The following GTF2IRD1 variants were observed in gnomAD, a reference collection of about 807,000 sequenced individuals.
The protein encoded by GTF2IRD1 is GTF2I repeat domain containing 1, also known as general transcription factor II-I repeat domain-containing protein 1.
A neutral mutation model predicts 113.2 loss-of-function variants in GTF2IRD1; 26 were observed. That is an observed-to-expected ratio of 0.23 (90% CI 0.17 to 0.32). The LOEUF is 0.32. Ranked by LOEUF, GTF2IRD1 falls within the 10% of genes least tolerant of loss-of-function variation. The pLI, the probability that GTF2IRD1 is intolerant of heterozygous loss-of-function variation, is 1.00. For missense variants in GTF2IRD1, 864 were observed against 1,280.8 expected, an observed-to-expected ratio of 0.67 and a Z score of 4.97; for synonymous variants, 484 against 529.1, an observed-to-expected ratio of 0.91 and a Z score of 1.17.
At chr7:74,454,744 GC>G (rs1187290643) in intron 1 of GTF2IRD1, among the ~76,000 whole-genome samples, 1 of 152,132 alleles carries the variant, frequency 6.6e-6, no homozygotes, top group Non-Finnish European at 1.5e-5. Context: ...TGTGGTGGTG[GC>G]CGCTGAATCC....
chr7:74,480,233 G>A (rs1264044839), intron 1 of GTF2IRD1, among the ~76,000 whole-genome samples: 1 of 151,944 alleles, frequency 6.6e-6, no homozygotes, highest in Non-Finnish European at 1.5e-5. Flanking sequence ...ACCTGCTGTT[G>A]GGCCCTGTGC....
In GTF2IRD1 at chr7:74,482,071, C is replaced by A. The variant is rs12666369; in HGVS notation, c.-6-26004C>A. Among the ~76,000 whole-genome samples, 4,360 of 152,164 alleles carry A rather than the reference C, an allele frequency of 0.029. 278 individuals carry two copies. In the East Asian group the frequency reaches 0.3, roughly 10 times the overall value. ...CTAGTGACAGCATGGGGTGAGGGGG[C>A]CAGAGGAGGCTGGAGGTGGAGCCCT... On this transcript the variant is annotated intron_variant, in intron 1 of 26. Transcript: ENST00000424337.
At position 74,518,133 on chromosome 7, in the gene GTF2IRD1, C is replaced by G; in HGVS notation, c.422-6C>G. Reference sequence around the variant, plus strand: ...CCAGGCCCCTCTCCTGGACTCTCCCCTACAGGCGAGGCCCTGGGAAGGGCC... The same window carrying G: ...CCAGGCCCCTCTCCTGGACTCTCCCGTACAGGCGAGGCCCTGGGAAGGGCC... On this transcript the variant is annotated splice_polypyrimidine_tract_variant and splice_region_variant and intron_variant, in intron 4 of 26. Transcript: ENST00000424337. 1 of 1,552,842 alleles carries G rather than the reference C, an allele frequency of 6.4e-7. No individual in the cohort carries two copies. The highest frequency in any genetic ancestry group is 8.7e-7 in the Non-Finnish European group (1 of 1,146,302).
intron 1 of GTF2IRD1, among the ~76,000 whole-genome samples, chr7:74,501,703 G>A (rs1554339548): frequency 6.6e-6 from 1 of 152,166 alleles, no homozygotes; most frequent in African/African-American, 2.4e-5. Flanking sequence ...CCACACTGGA[G>A]TGCAGTGGCG....
chr7:74,482,113 GT>G (rs1170853444), intron 1 of GTF2IRD1, among the ~76,000 whole-genome samples: 3 of 151,960 alleles, frequency 2.0e-5, no homozygotes, highest in Non-Finnish European at 2.9e-5. Flanking sequence ...AGGCGGAACT[GT>G]ACCATCTGTA....
intron 8 of GTF2IRD1, among the ~76,000 whole-genome samples, chr7:74,528,925 G>A (rs1280440984): frequency 2.7e-5 from 4 of 146,646 alleles, no homozygotes; most frequent in Admixed American, 2.1e-4. Flanking sequence ...ATGGATGGAC[G>A]GACAACCGGG....
At chr7:74,582,272 G>A (rs1205647747) in intron 22 of GTF2IRD1, among the ~76,000 whole-genome samples, 4 of 152,186 alleles carry the variant, frequency 2.6e-5, no homozygotes, top group Non-Finnish European at 5.9e-5. Flanking sequence ...CCCCAGACAC[G>A]GCAGGGGACA....
intron 1 of GTF2IRD1, among the ~76,000 whole-genome samples, chr7:74,465,563 A>T (rs1444166044): frequency 6.6e-6 from 1 of 152,134 alleles, no homozygotes; most frequent in African/African-American, 2.4e-5. Context: ...CAGTGTATTC[A>T]GTTGCGGGGA....
intron 25 of GTF2IRD1, among the ~76,000 whole-genome samples, chr7:74,598,505 G>A (rs587694857): frequency 1.3e-4 from 20 of 151,158 alleles, no homozygotes; most frequent in Non-Finnish European, 3.0e-4. Context: ...AATCCCAGCC[G>A]CTCAGGAGGC....
intron 17 of GTF2IRD1, among the ~76,000 whole-genome samples, chr7:74,553,677 C>T (rs781838708): frequency 6.6e-6 from 1 of 152,178 alleles, no homozygotes; most frequent in Non-Finnish European, 1.5e-5. Context: ...GAGAGGCCGT[C>T]TGGTGGGTTT....
intron 11 of GTF2IRD1, among the ~76,000 whole-genome samples, chr7:74,536,936 C>A (rs1422905382): frequency 5.3e-5 from 8 of 151,912 alleles, no homozygotes; most frequent in Admixed American, 5.3e-4. Flanking sequence ...CATAGTGAGA[C>A]CCTTGTCTCT....
chr7:74,584,442 C>T (rs755718472), intron 22 of GTF2IRD1, among the ~76,000 whole-genome samples: 2 of 151,198 alleles, frequency 1.3e-5, no homozygotes, highest in African/African-American at 4.9e-5. Context: ...GACTCTGTCT[C>T]GAAAAATAAA....
chr7:74,492,296 G>A (rs573601044), intron 1 of GTF2IRD1, among the ~76,000 whole-genome samples: 5 of 151,400 alleles, frequency 3.3e-5, no homozygotes, highest in Admixed American at 6.6e-5. Context: ...TCAGCCTCCC[G>A]AGTAGCTGGG....
intron 22 of GTF2IRD1, among the ~76,000 whole-genome samples, chr7:74,579,092 C>T (rs1163403844): frequency 3.9e-5 from 6 of 151,930 alleles, no homozygotes; most frequent in Non-Finnish European, 7.4e-5. Flanking sequence ...GAGGCTGAGG[C>T]GGAAGAATTG....
intron 15 of GTF2IRD1, among the ~76,000 whole-genome samples, chr7:74,545,100 C>T (rs1363774479): frequency 6.6e-6 from 1 of 152,160 alleles, no homozygotes; most frequent in Non-Finnish European, 1.5e-5. Flanking sequence ...GGTTTTAAGA[C>T]TGGGAACTGA....
rs560660691 is a variant in GTF2IRD1 at position 74,473,896 on chromosome 7, G to A, written c.-7+19720G>A. 3.9e-5 allele frequency among the ~76,000 whole-genome samples: 6 copies of A among 152,232 alleles called. No individual in the cohort carries two copies. The East Asian group carries it at 9.7e-4, about 25-fold the overall frequency. ...GAGGTCAGGAGTTCGAGACCAGCCTGACCAACTTGATGAAACCCCGTCTGT... is the reference window on the plus strand; with the variant it reads ...GAGGTCAGGAGTTCGAGACCAGCCTAACCAACTTGATGAAACCCCGTCTGT... On this transcript the variant is annotated intron_variant, in intron 1 of 26. Transcript: ENST00000424337.
At chr7:74,506,753 AG>A (rs1315292519) in intron 1 of GTF2IRD1, 4 of 152,238 alleles carry the variant, frequency 2.6e-5, no homozygotes, top group Non-Finnish European at 5.9e-5. Context: ...GAGCCAAAGG[AG>A]GCTGATCTTT....
At chr7:74,546,345 C>A (rs1252793635) in intron 16 of GTF2IRD1, among the ~76,000 whole-genome samples, 4 of 151,666 alleles carry the variant, frequency 2.6e-5, no homozygotes, top group Non-Finnish European at 5.9e-5. Flanking sequence ...CCTCACCCTC[C>A]CGAGTAGCTG....
chr7:74,522,244 T>A (rs1407649396), intron 7 of GTF2IRD1, among the ~76,000 whole-genome samples: 35 of 142,484 alleles, frequency 2.5e-4, no homozygotes, highest in Admixed American at 1.1e-3. Context: ...GTGATATATT[T>A]AAAAAAAAAA....
Sources: allele counts gnomAD v4.1 joint callset (sites outside exome capture counted in the v4.1 genomes callset), GRCh38; gene constraint gnomAD v4.1.1; transcripts MANE v1.5; gene names NCBI Gene and HGNC (gene_info 2026-07-23, HGNC 2026-07-21).